Variants in SLC28A1 observed in about 807,000 individuals in gnomAD.
SLC28A1 encodes the protein solute carrier family 28 member 1, also known as sodium/nucleoside cotransporter 1.
SLC28A1 carries 64 observed loss-of-function variants against 74.8 expected under a neutral mutation model. That is an observed-to-expected ratio of 0.86 (90% CI 0.70 to 1.05). The LOEUF (loss-of-function observed/expected upper bound fraction) is 1.05. Among genes scored for constraint, SLC28A1 ranks in the 50% least tolerant of loss-of-function variants. The pLI, the probability that SLC28A1 is intolerant of heterozygous loss-of-function variation, is 0.00. For missense variants in SLC28A1, 828 were observed against 822.8 expected (o/e 1.01, Z -0.08); for synonymous variants, 359 against 335.0 (o/e 1.07, Z -0.78).
At chr15:84,935,633 G>T in intron 15 of SLC28A1, 115 bp downstream of exon 15, 1 of 845,882 alleles carries the variant, frequency 1.2e-6, no homozygotes, top group East Asian at 2.5e-5. Flanking sequence ...CACTGAAGTG[G>T]TGCTTCACCT....
the SLC28A1 span, among the ~76,000 whole-genome samples, chr15:84,954,434 C>T: frequency 1.9e-4 from 29 of 152,254 alleles, no homozygotes; most frequent in Non-Finnish European, 3.2e-4. Flanking sequence ...GGAAATGTAG[C>T]GCTTGAAATA....
At chr15:84,901,154 A>G (rs1966650081) in intron 6 of SLC28A1, among the ~76,000 whole-genome samples, 1 of 152,170 alleles carries the variant, frequency 6.6e-6, no homozygotes, top group Non-Finnish European at 1.5e-5. Flanking sequence ...CGTGGGAGGC[A>G]GAGCCACGGT....
At position 84,935,030 on chromosome 15, in the gene SLC28A1, G is replaced by A. The variant is rs1446310761; in HGVS notation, c.1219G>A (p.Ala407Thr). ...CATTCTTGATCCCAACAACAGAGAT[G>A]CTCAGAACCTCATAGAAGCAGCCAG... is the stretch of plus-strand genomic sequence containing the variant. ...EEGVKLTYGD[A>T]QNLIEAASTG... The change falls in exon 14 of 19, where the codon GCT becomes ACT. Residue 407 changes from alanine (A) to threonine (T), a missense_variant. Around this residue, in one of 3 missense-constraint regions of SLC28A1, gnomAD observed 767 missense variants for 753.5 expected, o/e 1.02. Coordinates refer to ENST00000394573, the MANE Select transcript of SLC28A1 (RefSeq NM_004213.5). 2.5e-6 allele frequency: 4 copies of A among 1,613,842 alleles called. No homozygotes were observed. In the African/African-American group the frequency reaches 5.3e-5, roughly 22 times the overall value.
the SLC28A1 span, among the ~76,000 whole-genome samples, chr15:84,955,004 G>T: frequency 1.3e-5 from 2 of 152,146 alleles, no homozygotes; most frequent in Admixed American, 1.3e-4. Flanking sequence ...TTAGCACTCT[G>T]ACCCACCACA....
chr15:84,921,017 G>A lies in SLC28A1; in HGVS notation c.905G>A (p.Gly302Asp), dbSNP rs537367870. 6.2e-7 allele frequency: 1 copy of A among 1,614,022 alleles called. No individual in the cohort carries two copies. The highest frequency in any genetic ancestry group is 2.2e-5 in the East Asian group (1 of 44,878). The change falls in exon 11 of 19, where the codon GGC becomes GAC. Residue 302 changes from glycine (G) to aspartate (D), a missense_variant. Gly to Asp is a moderately conservative substitution (Grantham distance 94, BLOSUM62 -1). Coordinates refer to ENST00000394573, the MANE Select transcript of SLC28A1 (RefSeq NM_004213.5). ...GCCTGGCTGATGCAAGTCACCATGG[G>A]CACCACAGCCACTGAGACCCTGAGT... ...KIAWLMQVTM[G>D]TTATETLSVA...
intron 1 of SLC28A1, 170 bp from the exon 2 acceptor site, chr15:84,886,502 A>G: frequency 1.0e-6 from 1 of 985,458 alleles, no homozygotes. Flanking sequence ...ATGGAGAAGC[A>G]GCAGCCAGTG....
downstream of SLC28A1, among the ~76,000 whole-genome samples, chr15:84,947,641 G>T (rs1157528033): frequency 1.3e-5 from 2 of 152,224 alleles, no homozygotes; most frequent in Non-Finnish European, 2.9e-5. Context: ...CCTGGTGAGA[G>T]CCAGTTTCTC....
At chr15:84,924,895 TA>T (rs1200621740) in intron 12 of SLC28A1, among the ~76,000 whole-genome samples, 2 of 142,320 alleles carry the variant, frequency 1.4e-5, no homozygotes, top group African/African-American at 5.3e-5. Context: ...TATTTTTTAT[TA>T]ATTTTTTTTG....
Position 84,886,751 on chromosome 15 carries a change from C to CCT in SLC28A1, c.-44_-43dup, listed in dbSNP as rs1315417404. ...TTGTCCCCACAGAGACGTGTGCTTC[C>CCT]CTCTCTCTCTGAGAGCGACCTGTTA... On this transcript the variant is annotated 5_prime_UTR_variant, in exon 2 of 19. The change abolishes the stop of an existing upstream ORF in the 5' untranslated region. Coordinates refer to ENST00000394573, the MANE Select transcript of SLC28A1 (RefSeq NM_004213.5). 3.0e-6 allele frequency: 3 copies of CCT among 985,322 alleles called. No individual in the cohort carries two copies. Among genetic ancestry groups the CCT allele is most frequent in the Non-Finnish European group, 3.6e-6 (3 of 829,944 alleles). 61.0% of individuals were successfully genotyped at this position (985,322 alleles called of 1,614,324 possible). A position where few individuals can be genotyped will look rare whatever the true frequency, so the allele number is the denominator to read the frequency against.
intron 12 of SLC28A1, among the ~76,000 whole-genome samples, chr15:84,928,482 A>G (rs1596326178): frequency 6.6e-6 from 1 of 150,920 alleles, no homozygotes; most frequent in African/African-American, 2.4e-5. Flanking sequence ...TCTGAATCCC[A>G]GAAAGGTCTC....
At chr15:84,891,997 T>A (rs567327499) in intron 5 of SLC28A1, among the ~76,000 whole-genome samples, 3 of 151,656 alleles carry the variant, frequency 2.0e-5, no homozygotes, top group Admixed American at 2.0e-4. Context: ...CCGGGAGGGG[T>A]GGGTCTTTGC....
chr15:84,962,873 C>T, the SLC28A1 span, among the ~76,000 whole-genome samples: 2 of 152,326 alleles, frequency 1.3e-5, no homozygotes, highest in East Asian at 3.9e-4. Context: ...CTGCCTGGTA[C>T]ACTCAGGGAG....
At chr15:84,915,147 C>T (rs555471865) in intron 9 of SLC28A1, among the ~76,000 whole-genome samples, 36 of 152,272 alleles carry the variant, frequency 2.4e-4, no homozygotes, top group African/African-American at 7.9e-4. Flanking sequence ...ATGATGTCAT[C>T]CTACCCGTGC....
chr15:84,908,862 G>C (rs1204417913), intron 9 of SLC28A1, 67 bp downstream of exon 9: 1 of 1,348,118 alleles, frequency 7.4e-7, no homozygotes, highest in Non-Finnish European at 1.1e-6. Flanking sequence ...CTAGAGGGGA[G>C]TCTGGGCATG....
intron 12 of SLC28A1, among the ~76,000 whole-genome samples, chr15:84,930,635 T>TTTGG (rs1971156953): frequency 8.9e-6 from 1 of 112,040 alleles, no homozygotes; most frequent in African/African-American, 3.6e-5. Context: ...TTTTTTTTTT[T>TTTGG]GAGATGGAGT....
chr15:84,961,473 A>C, the SLC28A1 span: 1 of 453,386 alleles, frequency 2.2e-6, no homozygotes, highest in South Asian at 1.6e-5. Flanking sequence ...CTGGGACTAC[A>C]TGTATGTGCC....
chr15:84,928,597 TCTTTC>T lies in SLC28A1; in HGVS notation c.1083+4488_1083+4492del, dbSNP rs1567172618. ...TTCTTTCTTTCTTTCTTTCTTTCTT[TCTTTC>T]TTTTCTTTCTTTCTTTTCTTTCTTT... On this transcript the variant is annotated intron_variant, in intron 12 of 18. Coordinates refer to ENST00000394573, the MANE Select transcript of SLC28A1 (RefSeq NM_004213.5). 1.8e-3 allele frequency among the ~76,000 whole-genome samples: 40 copies of T among 22,618 alleles called. 9 individuals are homozygous for T. The highest frequency in any genetic ancestry group is 0.015 in the African/African-American group (40 of 2,608). The allele number at this position is 22,618 out of a possible 152,430, so 14.8% of individuals were successfully genotyped here.
At chr15:84,902,519 A>C (rs577949537) in intron 6 of SLC28A1, among the ~76,000 whole-genome samples, 2 of 152,090 alleles carry the variant, frequency 1.3e-5, no homozygotes, top group African/African-American at 4.8e-5. Flanking sequence ...GGCAGAAAAC[A>C]TATCAACTGT....
At position 84,940,479 on chromosome 15, in the gene SLC28A1, CA is replaced by C. The variant is rs537790663; in HGVS notation, c.1582-2957del. ...GTGGGGGGGTTAAATACATTATATA[CA>C]AAAAAAAAGCTACTAGAACTAGCTT... On this transcript the variant is annotated intron_variant, in intron 15 of 18. Coordinates refer to ENST00000394573, the MANE Select transcript of SLC28A1 (RefSeq NM_004213.5). 5.7e-3 allele frequency: 860 copies of C among 151,584 alleles called. 12 individuals carry two copies. Among genetic ancestry groups the C allele is most frequent in the African/African-American group, 0.019 (765 of 41,238 alleles). The allele number at this position is 151,584 out of a possible 1,614,324, so 9.4% of individuals were successfully genotyped here. A position where few individuals can be genotyped will look rare whatever the true frequency, so the allele number is the denominator to read the frequency against.
Sources: gnomAD v4.1 joint callset for allele counts (sites outside exome capture counted in the v4.1 genomes callset) on GRCh38, gnomAD v4.1.1 for gene constraint, gnomAD v4.1.1 regional missense constraint, MANE v1.5 for transcripts, NCBI Gene and HGNC (gene_info 2026-07-23, HGNC 2026-07-21) for gene names.